The following L3MBTL4 variants were observed in gnomAD, a reference collection of about 807,000 sequenced individuals.
L3MBTL4 encodes the protein lethal(3)malignant brain tumor-like protein 4.
Under a neutral mutation model 84.5 loss-of-function variants are expected in L3MBTL4, and 70 were observed. That is an observed-to-expected ratio of 0.83 (90% CI 0.68 to 1.01). L3MBTL4 has a LOEUF of 1.01. L3MBTL4 is among the 50% of genes least tolerant of loss of function. L3MBTL4 has a pLI of 0.00. For synonymous variants in L3MBTL4, 274 were observed against 259.8 expected (o/e 1.05, Z -0.52); for missense variants, 715 against 754.8 (o/e 0.95, Z 0.62).
At chr18:6,066,676 A>G (rs191389345) in intron 16 of L3MBTL4, among the ~76,000 whole-genome samples, 11 of 152,200 alleles carry the variant, frequency 7.2e-5, no homozygotes, top group Non-Finnish European at 1.6e-4. Flanking sequence ...AAGAATAGCT[A>G]CTTCTGCTCA....
chr18:6,102,717 G>T (rs953812417), intron 14 of L3MBTL4, among the ~76,000 whole-genome samples: 1 of 152,284 alleles, frequency 6.6e-6, no homozygotes, highest in East Asian at 1.9e-4. Flanking sequence ...AGAAATAGAT[G>T]AACATGAAGG....
chr18:6,408,433 T>G (rs1331729523), intron 1 of L3MBTL4, among the ~76,000 whole-genome samples: 3 of 152,232 alleles, frequency 2.0e-5, no homozygotes, highest in Non-Finnish European at 4.4e-5. Context: ...AGATTCTGTT[T>G]CTCTTAGCAG....
intron 16 of L3MBTL4, among the ~76,000 whole-genome samples, chr18:5,976,741 G>A (rs561531042): frequency 6.6e-6 from 1 of 152,282 alleles, no homozygotes; most frequent in South Asian, 2.1e-4. Context: ...GATGAATGAA[G>A]GCTGAATGAA....
At chr18:6,096,554 C>T (rs893918139) in intron 14 of L3MBTL4, among the ~76,000 whole-genome samples, 3 of 152,170 alleles carry the variant, frequency 2.0e-5, no homozygotes, top group African/African-American at 7.2e-5. Context: ...CAACTTTTGC[C>T]TGCCTTCTTG....
chr18:6,031,483 T>A (rs774857239), intron 16 of L3MBTL4: 2 of 985,406 alleles, frequency 2.0e-6, no homozygotes, highest in South Asian at 9.4e-5. Flanking sequence ...ACCATCAGCA[T>A]CTCATTTTTT....
chr18:6,242,945 C>T (rs944468129), intron 7 of L3MBTL4, among the ~76,000 whole-genome samples: 6 of 152,122 alleles, frequency 3.9e-5, no homozygotes, highest in African/African-American at 1.4e-4. Flanking sequence ...CTTGCTGTAT[C>T]ATTGATTAGA....
In L3MBTL4 at chr18:5,994,265, T is replaced by C. The variant is rs74804096; in HGVS notation, c.1445-24703A>G. Among the ~76,000 whole-genome samples the C allele has an allele frequency of 5.6e-3, 852 of 152,334 alleles. 7 individuals carry two copies. Among genetic ancestry groups the C allele is most frequent in the African/African-American group, 0.019 (777 of 41,566 alleles). On this transcript the variant is annotated intron_variant, in intron 16 of 18. Coordinates refer to ENST00000317931, the MANE Select transcript of L3MBTL4 (RefSeq NM_001330559.2). ...GCTTTTTGTCTTTCTCTAGCACAAT[T>C]GTGAGCTGCGTGGAGGCTGGGCCTG... is the stretch of plus-strand genomic sequence containing the variant.
chr18:6,069,013 T>A (rs2057492700), intron 16 of L3MBTL4, among the ~76,000 whole-genome samples: 1 of 152,188 alleles, frequency 6.6e-6, no homozygotes, highest in Admixed American at 6.5e-5. Flanking sequence ...TACCACACTT[T>A]GAGCTGATGC....
chr18:6,131,094 C>T (rs146270898), intron 14 of L3MBTL4, among the ~76,000 whole-genome samples: 97 of 152,286 alleles, frequency 6.4e-4, no homozygotes, highest in African/African-American at 2.0e-3. Flanking sequence ...TTCTCTTTGT[C>T]AGCTGTACAA....
intron 15 of L3MBTL4, among the ~76,000 whole-genome samples, chr18:6,084,872 G>C (rs1476899717): frequency 6.6e-6 from 1 of 152,212 alleles, no homozygotes; most frequent in Non-Finnish European, 1.5e-5. Context: ...GAAACACAGA[G>C]AGGGCCACTG....
At chr18:6,049,094 T>A (rs1010834493) in intron 16 of L3MBTL4, among the ~76,000 whole-genome samples, 1 of 151,902 alleles carries the variant, frequency 6.6e-6, no homozygotes, top group South Asian at 2.1e-4. Context: ...GAGACTTGCC[T>A]GGGCAACAGA....
chr18:6,239,596 A>G (rs1006071051), intron 9 of L3MBTL4, 122 bp downstream of exon 9: 2 of 927,346 alleles, frequency 2.2e-6, no homozygotes, highest in East Asian at 2.5e-5. Flanking sequence ...ACAGTCAACC[A>G]CCAAATTCCT....
At chr18:6,307,199 G>A (rs749435846) in intron 3 of L3MBTL4, among the ~76,000 whole-genome samples, 4 of 151,952 alleles carry the variant, frequency 2.6e-5, no homozygotes, top group African/African-American at 4.8e-5. Context: ...TTGGGAGGCC[G>A]AGGCAGGCGG....
intron 14 of L3MBTL4, among the ~76,000 whole-genome samples, chr18:6,136,382 C>T (rs1273988699): frequency 1.3e-5 from 2 of 152,060 alleles, no homozygotes; most frequent in Admixed American, 6.5e-5. Context: ...TAGAACTAAA[C>T]GAAAAGAAAA....
intron 5 of L3MBTL4, among the ~76,000 whole-genome samples, chr18:6,248,959 G>A (rs1238183014): frequency 6.6e-6 from 1 of 152,116 alleles, no homozygotes; most frequent in East Asian, 1.9e-4. Flanking sequence ...AGCTTCTAAG[G>A]AAAAACTTAA....
chr18:6,343,771 T>C (rs746577516), intron 1 of L3MBTL4, among the ~76,000 whole-genome samples: 21 of 151,636 alleles, frequency 1.4e-4, no homozygotes, highest in Non-Finnish European at 2.5e-4. Flanking sequence ...TTCACAAATA[T>C]GTGTAACTTA....
intron 16 of L3MBTL4, among the ~76,000 whole-genome samples, chr18:6,067,144 T>C (rs899278764): frequency 1.2e-4 from 18 of 152,350 alleles, no homozygotes; most frequent in South Asian, 2.1e-4. Flanking sequence ...TTCTGGCTTG[T>C]AGGGTTTCTG....
intron 1 of L3MBTL4, among the ~76,000 whole-genome samples, chr18:6,394,597 A>C (rs1256179451): frequency 1.3e-5 from 2 of 152,196 alleles, no homozygotes; most frequent in Non-Finnish European, 2.9e-5. Flanking sequence ...TGTTTTGCTT[A>C]CTGATGTACA....
chr18:6,122,249 A>G (rs1209287625), intron 14 of L3MBTL4, among the ~76,000 whole-genome samples: 2 of 152,220 alleles, frequency 1.3e-5, no homozygotes, highest in African/African-American at 4.8e-5. Flanking sequence ...ACACTTTCCA[A>G]AGGAAAAAAC....
Sources: gnomAD v4.1 joint callset for allele counts (sites outside exome capture counted in the v4.1 genomes callset) on GRCh38, gnomAD v4.1.1 for gene constraint, MANE v1.5 for transcripts, NCBI Gene and HGNC (gene_info 2026-07-23, HGNC 2026-07-21) for gene names.